PKHD1: variants seen among roughly 807,000 people sequenced by gnomAD.
PKHD1 encodes PKHD1 ciliary IPT domain containing fibrocystin/polyductin, also known as fibrocystin.
Under a neutral mutation model 412.0 loss-of-function variants are expected in PKHD1, and 291 were observed. That is an observed-to-expected ratio of 0.71 (90% CI 0.64 to 0.78). The LOEUF (loss-of-function observed/expected upper bound fraction) is 0.78, where lower values mean the gene tolerates loss of function less well. Ranked by LOEUF, PKHD1 falls within the 30% of genes least tolerant of loss-of-function variation. The pLI is 0.00. For synonymous variants in PKHD1, 1,777 were observed against 1,821.5 expected (o/e 0.98, Z 0.62); for missense variants, 4,825 against 4,950.7 (o/e 0.97, Z 0.76).
chr6:51,758,959 A>G (rs1052605069), intron 55 of PKHD1, among the ~76,000 whole-genome samples: 4 of 152,236 alleles, frequency 2.6e-5, no homozygotes, highest in African/African-American at 9.6e-5. Context: ...CTTAATGATA[A>G]TAACTGCATT....
At chr6:51,683,013 C>T (rs1369047240) in intron 60 of PKHD1, among the ~76,000 whole-genome samples, 2 of 151,964 alleles carry the variant, frequency 1.3e-5, no homozygotes, top group East Asian at 3.9e-4. Flanking sequence ...AAACAATCAG[C>T]TAACTAGCAG....
intron 57 of PKHD1, 58 bp downstream of exon 57, chr6:51,753,143 G>C (rs1357781350): frequency 1.1e-5 from 16 of 1,427,352 alleles, no homozygotes; most frequent in South Asian, 8.1e-5. Context: ...GGATTTCTGG[G>C]TGTCCCAGAT....
At chr6:51,736,146 C>G (rs1014736222) in intron 60 of PKHD1, among the ~76,000 whole-genome samples, 1 of 152,090 alleles carries the variant, frequency 6.6e-6, no homozygotes, top group African/African-American at 2.4e-5. Context: ...GGTGGACACT[C>G]AGCAAGTGTT....
intron 32 of PKHD1, among the ~76,000 whole-genome samples, chr6:52,023,803 T>C (rs1801747108): frequency 6.6e-6 from 1 of 152,188 alleles, no homozygotes; most frequent in African/African-American, 2.4e-5. Flanking sequence ...ATAAGGAAGC[T>C]GAGTCTCAGA....
intron 36 of PKHD1, among the ~76,000 whole-genome samples, chr6:51,956,196 T>C (rs1187820160): frequency 6.6e-6 from 1 of 152,048 alleles, no homozygotes; most frequent in Non-Finnish European, 1.5e-5. Flanking sequence ...TTCCTAACAA[T>C]TCATCATAAT....
At chr6:51,859,399 G>A (rs1002970807) in intron 48 of PKHD1, among the ~76,000 whole-genome samples, 5 of 151,768 alleles carry the variant, frequency 3.3e-5, no homozygotes, top group Admixed American at 6.6e-5. Context: ...GGCAGCATGC[G>A]CCTGTAGTCC....
At chr6:51,941,500 C>T (rs1302689865) in intron 36 of PKHD1, among the ~76,000 whole-genome samples, 1 of 150,816 alleles carries the variant, frequency 6.6e-6, no homozygotes, top group Non-Finnish European at 1.5e-5. Context: ...CATGATCCAC[C>T]CGCCTCGGCC....
chr6:51,952,379 G>T (rs1790485759), intron 36 of PKHD1, among the ~76,000 whole-genome samples: 1 of 152,072 alleles, frequency 6.6e-6, no homozygotes, highest in Admixed American at 6.6e-5. Flanking sequence ...TGCCTCTTCA[G>T]GTCTGAAACT....
intron 35 of PKHD1, chr6:51,975,626 T>TAAAAAAAAAAAA (rs750698580): frequency 7.0e-5 from 9 of 128,460 alleles, no homozygotes; most frequent in African/African-American, 1.7e-4. Flanking sequence ...CTATCAGCCA[T>TAAAAAAAAAAAA]AAAAAAAAAA....
intron 48 of PKHD1, among the ~76,000 whole-genome samples, chr6:51,862,749 A>G (rs989732287): frequency 6.6e-6 from 1 of 152,198 alleles, no homozygotes; most frequent in Non-Finnish European, 1.5e-5. Context: ...TTTATTTTCC[A>G]GGAGAGGTGG....
At chr6:51,668,487 G>A (rs1222667436) in intron 60 of PKHD1, among the ~76,000 whole-genome samples, 2 of 152,156 alleles carry the variant, frequency 1.3e-5, no homozygotes, top group East Asian at 3.9e-4. Flanking sequence ...CATGTCGTCT[G>A]CAAACAGGGA....
chr6:51,795,462 T>G (rs6458782), intron 52 of PKHD1, among the ~76,000 whole-genome samples: 89,823 of 152,016 alleles, frequency 0.59, 27,205 homozygotes, highest in East Asian at 0.83. Flanking sequence ...ATAGGATCAT[T>G]TCATCTGCAA....
At chr6:51,805,255 A>G (rs1763586866) in intron 52 of PKHD1, among the ~76,000 whole-genome samples, 1 of 152,220 alleles carries the variant, frequency 6.6e-6, no homozygotes, top group African/African-American at 2.4e-5. Context: ...GGAGGCCATT[A>G]TCTTAAACAA....
intron 24 of PKHD1, among the ~76,000 whole-genome samples, chr6:52,045,694 CA>C (rs1490636681): frequency 6.6e-6 from 1 of 152,212 alleles, no homozygotes; most frequent in Non-Finnish European, 1.5e-5. Context: ...TCATCTAAGT[CA>C]ATCACATCTG....
At chr6:51,963,746 C>T (rs570914997) in intron 35 of PKHD1, among the ~76,000 whole-genome samples, 1 of 152,194 alleles carries the variant, frequency 6.6e-6, no homozygotes, top group East Asian at 1.9e-4. Flanking sequence ...ATGCCAACAG[C>T]ATTGATTAAA....
At chr6:51,708,373 T>G (rs1341199929) in intron 60 of PKHD1, among the ~76,000 whole-genome samples, 4 of 152,242 alleles carry the variant, frequency 2.6e-5, no homozygotes, top group Non-Finnish European at 5.9e-5. Flanking sequence ...TATTCTGTAC[T>G]GAACTTGCTG....
At chr6:51,891,786 A>G (rs1779164645) in intron 43 of PKHD1, among the ~76,000 whole-genome samples, 1 of 151,928 alleles carries the variant, frequency 6.6e-6, no homozygotes, top group Non-Finnish European at 1.5e-5. Context: ...GAGAAAACTG[A>G]AAAAGATTGC....
intron 52 of PKHD1, among the ~76,000 whole-genome samples, chr6:51,828,130 A>G (rs1767639230): frequency 6.6e-6 from 1 of 152,110 alleles, no homozygotes; most frequent in African/African-American, 2.4e-5. Context: ...GAGGGGCATA[A>G]ATTCAGTATA....
intron 26 of PKHD1, 152 bp downstream of exon 26, chr6:52,043,473 G>A (rs1002761968): frequency 4.3e-6 from 3 of 698,772 alleles, no homozygotes; most frequent in Non-Finnish European, 5.2e-6. Context: ...CCCTTAGATG[G>A]ACCAAAAAAT....
Sources: allele counts gnomAD v4.1 joint callset (sites outside exome capture counted in the v4.1 genomes callset), GRCh38; gene constraint gnomAD v4.1.1; transcripts MANE v1.5; gene names NCBI Gene and HGNC (gene_info 2026-07-23, HGNC 2026-07-21).